SH3PXD2B: variants seen among roughly 807,000 people sequenced by gnomAD.
SH3PXD2B encodes the protein SH3 and PX domain-containing protein 2B.
Under a neutral mutation model 73.1 loss-of-function variants are expected in SH3PXD2B, and 37 were observed. That is an observed-to-expected ratio of 0.51 (90% CI 0.39 to 0.67). The LOEUF (loss-of-function observed/expected upper bound fraction) is 0.67, where lower values mean the gene tolerates loss of function less well. SH3PXD2B is among the 30% of genes least tolerant of loss of function. The pLI, the probability that SH3PXD2B is intolerant of heterozygous loss-of-function variation, is 0.00. For synonymous variants in SH3PXD2B, 457 were observed against 480.5 expected, an observed-to-expected ratio of 0.95 and a Z score of 0.64; for missense variants, 1,053 against 1,197.8, an observed-to-expected ratio of 0.88 and a Z score of 1.78.
chr5:172,442,106 T>C (rs573263688), intron 1 of SH3PXD2B, among the ~76,000 whole-genome samples: 1 of 152,350 alleles, frequency 6.6e-6, no homozygotes, highest in East Asian at 1.9e-4. Context: ...ATGTGCTTAA[T>C]GTGCTCTATC....
intron 1 of SH3PXD2B, among the ~76,000 whole-genome samples, chr5:172,430,215 A>G (rs1481548515): frequency 6.6e-6 from 1 of 152,266 alleles, no homozygotes; most frequent in Admixed American, 6.5e-5. Flanking sequence ...AGAAGGTCAC[A>G]AAGGTGAGGG....
chr5:172,413,536 AAATG>A, intron 2 of SH3PXD2B, among the ~76,000 whole-genome samples: 1 of 152,334 alleles, frequency 6.6e-6, no homozygotes, highest in African/African-American at 2.4e-5. Flanking sequence ...ACAAATGAGT[AAATG>A]AATGAATGAA....
At chr5:172,401,759 A>G (rs573963323) in intron 3 of SH3PXD2B, among the ~76,000 whole-genome samples, 1 of 152,354 alleles carries the variant, frequency 6.6e-6, no homozygotes, top group South Asian at 2.1e-4. Context: ...CTGAACATAC[A>G]GAACAACAAA....
intron 1 of SH3PXD2B, among the ~76,000 whole-genome samples, chr5:172,437,609 G>A (rs533721266): frequency 2.5e-4 from 38 of 152,350 alleles, no homozygotes; most frequent in Middle Eastern, 3.4e-3. Context: ...CCACGTCAGC[G>A]CCAGGAATCA....
intron 3 of SH3PXD2B, among the ~76,000 whole-genome samples, chr5:172,399,117 C>T (rs566597206): frequency 6.6e-6 from 1 of 152,308 alleles, no homozygotes; most frequent in East Asian, 1.9e-4. Context: ...GAAGTTCAAG[C>T]TGCCTTTCAA....
intron 1 of SH3PXD2B, among the ~76,000 whole-genome samples, chr5:172,449,740 G>A (rs1372414859): frequency 1.3e-5 from 2 of 152,194 alleles, no homozygotes; most frequent in African/African-American, 4.8e-5. Context: ...AGAACAGAGA[G>A]CAAAGGGAAC....
In SH3PXD2B at chr5:172,333,549, A is replaced by G; in HGVS notation, c.*4820T>C. 1 of 1,171,798 alleles carries G rather than the reference A, an allele frequency of 8.5e-7. No homozygotes were observed. The highest frequency in any genetic ancestry group is 1.1e-6 in the Non-Finnish European group (1 of 937,580). The allele number at this position is 1,171,798 out of a possible 1,614,324, so 72.6% of individuals were successfully genotyped here. ...AAGCACTTTTTTTATTTAAAAAAAA[A>G]AAAAGGAAAGAAGTCAAATGGTAAA... is the stretch of plus-strand genomic sequence containing the variant. On this transcript the variant is annotated 3_prime_UTR_variant, in exon 13 of 13. Transcript: ENST00000311601.
chr5:172,410,791 C>G (rs1758675081), intron 2 of SH3PXD2B, among the ~76,000 whole-genome samples: 1 of 152,320 alleles, frequency 6.6e-6, no homozygotes, highest in South Asian at 2.1e-4. Context: ...AACATGTCCT[C>G]TCATATACGA....
At chr5:172,381,705 C>T (rs948015150) in intron 5 of SH3PXD2B, among the ~76,000 whole-genome samples, 2 of 152,220 alleles carry the variant, frequency 1.3e-5, no homozygotes, top group Admixed American at 1.3e-4. Context: ...CCCACCTCCA[C>T]CTCTGTGGAC....
intron 2 of SH3PXD2B, among the ~76,000 whole-genome samples, chr5:172,420,185 T>G (rs540909662): frequency 6.6e-6 from 1 of 152,354 alleles, no homozygotes; most frequent in African/African-American, 2.4e-5. Flanking sequence ...CTTAGCATCT[T>G]TAACTTATAG....
At chr5:172,416,348 G>C (rs183329042) in intron 2 of SH3PXD2B, among the ~76,000 whole-genome samples, 2,383 of 144,270 alleles carry the variant, frequency 0.017, 56 homozygotes, top group African/African-American at 0.059. Context: ...TTTTTTTTGA[G>C]ACGGAGTTTC....
chr5:172,413,004 C>T (rs888716181), intron 2 of SH3PXD2B, among the ~76,000 whole-genome samples: 1 of 152,222 alleles, frequency 6.6e-6, no homozygotes, highest in East Asian at 1.9e-4. Context: ...AGAGGGAATG[C>T]GAGACACGCT....
intron 1 of SH3PXD2B, among the ~76,000 whole-genome samples, chr5:172,427,822 G>C (rs988615101): frequency 6.6e-6 from 1 of 150,492 alleles, no homozygotes; most frequent in East Asian, 1.9e-4. Flanking sequence ...CTATCACCCA[G>C]GCTGGAGTGC....
chr5:172,374,203 A>T (rs1416995063), intron 5 of SH3PXD2B, among the ~76,000 whole-genome samples: 1 of 152,270 alleles, frequency 6.6e-6, no homozygotes, highest in African/African-American at 2.4e-5. Flanking sequence ...AGCCATAGAC[A>T]TGGGGCAGAA....
intron 10 of SH3PXD2B, among the ~76,000 whole-genome samples, chr5:172,349,747 G>T (rs779586172): frequency 2.6e-4 from 40 of 152,202 alleles, no homozygotes; most frequent in Non-Finnish European, 5.4e-4. Context: ...AGACTAATTA[G>T]AAGGTTTCTG....
At chr5:172,386,191 C>G (rs572892379) in intron 4 of SH3PXD2B, among the ~76,000 whole-genome samples, 1 of 152,106 alleles carries the variant, frequency 6.6e-6, no homozygotes, top group Non-Finnish European at 1.5e-5. Context: ...ATCTGTAAAG[C>G]GGAAATAAAG....
At chr5:172,363,660 G>A (rs1270793501) in intron 6 of SH3PXD2B, among the ~76,000 whole-genome samples, 2 of 152,044 alleles carry the variant, frequency 1.3e-5, no homozygotes, top group East Asian at 3.9e-4. Context: ...AGCAGCGTAG[G>A]CACACTCTGA....
rs555900194 is a variant in SH3PXD2B at position 172,441,505 on chromosome 5, G to A, written c.75+12773C>T. On this transcript the variant is annotated intron_variant, in intron 1 of 12. Coordinates refer to ENST00000311601, the MANE Select transcript of SH3PXD2B (RefSeq NM_001017995.3). ...TTGTTCAAGAAACACACTTGGGCTGGGCATTTATTCTAGGCCAGGCCCTGA... is the reference window on the plus strand; with the variant it reads ...TTGTTCAAGAAACACACTTGGGCTGAGCATTTATTCTAGGCCAGGCCCTGA... Among the ~76,000 whole-genome samples the A allele has an allele frequency of 1.3e-3, 205 of 152,310 alleles. 1 individual carries two copies. Among genetic ancestry groups the A allele is most frequent in the African/African-American group, 4.7e-3 (197 of 41,572 alleles).
At chr5:172,329,540 C>CTTTTTTTTTTTTTTTTTTTTTT (rs370876232), downstream of SH3PXD2B, among the ~76,000 whole-genome samples, 342 of 106,412 alleles carry the variant, frequency 3.2e-3, 39 homozygotes, top group Non-Finnish European at 4.6e-3. Context: ...CTTTGTTATT[C>CTTTTTTTTTTTTTTTTTTTTTT]TTTTTTTTTT....
Sources: gnomAD v4.1 joint callset for allele counts (sites outside exome capture counted in the v4.1 genomes callset) on GRCh38, gnomAD v4.1.1 for gene constraint, MANE v1.5 for transcripts, NCBI Gene and HGNC (gene_info 2026-07-23, HGNC 2026-07-21) for gene names.